Variants in MYOF observed in about 807,000 individuals in gnomAD.
MYOF encodes fer-1-like 3, myoferlin.
MYOF carries 244 observed loss-of-function variants against 284.2 expected under a neutral mutation model. The observed-to-expected ratio is 0.86, with a 90% confidence interval of 0.77 to 0.95. The LOEUF is 0.95. MYOF is among the 40% of genes least tolerant of loss of function. The pLI, the probability that MYOF is intolerant of heterozygous loss-of-function variation, is 0.00. For synonymous variants in MYOF, 904 were observed against 919.7 expected (o/e 0.98, Z 0.31); for missense variants, 2,496 against 2,560.6 (o/e 0.97, Z 0.54).
intron 3 of MYOF, among the ~76,000 whole-genome samples, chr10:93,445,470 C>A (rs58855859): frequency 0.064 from 9,783 of 152,306 alleles, 1,283 homozygotes; most frequent in East Asian, 0.63. Context: ...TCTGACATTT[C>A]CTCTAAAAAA....
chr10:93,396,964 T>C (rs1387471179), intron 15 of MYOF, among the ~76,000 whole-genome samples: 1 of 152,238 alleles, frequency 6.6e-6, no homozygotes, highest in Non-Finnish European at 1.5e-5. Context: ...AAGTCTATTC[T>C]GGACAGCCTA....
chr10:93,342,878 A>C lies in MYOF; in HGVS notation c.4326+978T>G, dbSNP rs190123334. ...ATTAGGGATATTTGGGGTGGTTTAC[A>C]AAGTGATCACAGTAGTTTTGGCCCA... On this transcript the variant is annotated intron_variant, in intron 38 of 53. Coordinates refer to ENST00000359263, the MANE Select transcript of MYOF (RefSeq NM_013451.4). 5.3e-5 allele frequency among the ~76,000 whole-genome samples: 8 copies of C among 152,356 alleles called. No homozygotes were observed. In the East Asian group the frequency reaches 1.5e-3, roughly 29 times the overall value.
At chr10:93,452,558 G>T (rs1394114386) in intron 2 of MYOF, among the ~76,000 whole-genome samples, 3 of 117,976 alleles carry the variant, frequency 2.5e-5, no homozygotes, top group African/African-American at 9.7e-5. Flanking sequence ...CCCGTTGTGG[G>T]GTGGGGGGAG....
intron 1 of MYOF, among the ~76,000 whole-genome samples, chr10:93,469,571 A>G (rs1285041710): frequency 6.6e-6 from 1 of 152,230 alleles, no homozygotes; most frequent in Non-Finnish European, 1.5e-5. Flanking sequence ...GTCCAGCTCA[A>G]AGGCACCAAT....
intron 40 of MYOF, 84 bp from the exon 41 acceptor site, chr10:93,336,130 C>A: frequency 6.7e-7 from 1 of 1,496,422 alleles, no homozygotes; most frequent in Non-Finnish European, 9.0e-7. Context: ...ATCAAGTGGG[C>A]CTGAGGTTGT....
rs548233193 is a variant in MYOF, at chr10:93,374,801, C to T, written c.2263G>A (p.Glu755Lys). Residue 755 changes from glutamate to lysine, a missense_variant, in exon 23 of 54, where the codon GAG (glutamate) becomes AAG (lysine). Glu to Lys is a moderately conservative substitution (Grantham distance 56). Coordinates refer to ENST00000359263, the MANE Select transcript of MYOF (RefSeq NM_013451.4). Reference protein sequence around the residue: ...TDVKSTLAEIEDWLDKLMQLT... With the variant: ...TDVKSTLAEIKDWLDKLMQLT... ...TGCATTAATTTATCAAGCCAGTCCT[C>T]AATTTCTGCCAGTGTGGACTTCACA... 22 of 1,614,134 alleles carry T rather than the reference C, an allele frequency of 1.4e-5. No homozygotes were observed. In the African/African-American group the frequency reaches 2.9e-4, roughly 22 times the overall value.
intron 17 of MYOF, among the ~76,000 whole-genome samples, chr10:93,390,152 T>C (rs575138313): frequency 1.3e-5 from 2 of 152,320 alleles, no homozygotes; most frequent in East Asian, 3.9e-4. Context: ...AACTCTATGC[T>C]TAAAACTAAG....
chr10:93,315,910 C>T, intron 50 of MYOF, among the ~76,000 whole-genome samples: 1 of 150,904 alleles, frequency 6.6e-6, no homozygotes, highest in Non-Finnish European at 1.5e-5. Context: ...TGCTTGAGCT[C>T]AGGGGTTCAA....
At chr10:93,349,721 T>G in intron 36 of MYOF, 87 bp downstream of exon 36, 4 of 1,462,424 alleles carry the variant, frequency 2.7e-6, no homozygotes, top group Non-Finnish European at 3.7e-6. Flanking sequence ...GTTTTGGAAA[T>G]AAACTCTGTG....
intron 19 of MYOF, among the ~76,000 whole-genome samples, chr10:93,387,363 G>T (rs1846430000): frequency 1.3e-5 from 2 of 152,226 alleles, no homozygotes; most frequent in African/African-American, 4.8e-5. Flanking sequence ...GGTTGGGGAA[G>T]TCAACTGGGA....
intron 37 of MYOF, 50 bp downstream of exon 37, chr10:93,347,567 A>AAAAAAGAAG (rs1554842496): frequency 9.9e-7 from 1 of 1,009,920 alleles, no homozygotes; most frequent in Non-Finnish European, 1.3e-6. Context: ...TCAAAAAAAA[A>AAAAAAGAAG]AAAAAAAAAA....
At chr10:93,349,454 A>G (rs764482011) in intron 36 of MYOF, among the ~76,000 whole-genome samples, 2 of 152,156 alleles carry the variant, frequency 1.3e-5, no homozygotes, top group Non-Finnish European at 2.9e-5. Flanking sequence ...TGGTCCATGC[A>G]CAGTTGTAGG....
intron 22 of MYOF, among the ~76,000 whole-genome samples, chr10:93,376,447 A>G (rs1845838246): frequency 6.6e-6 from 1 of 152,134 alleles, no homozygotes; most frequent in South Asian, 2.1e-4. Context: ...TCTCATTTAC[A>G]AGATAAGGAG....
At chr10:93,312,769 T>C (rs116238321) in intron 51 of MYOF, among the ~76,000 whole-genome samples, 2,171 of 152,272 alleles carry the variant, frequency 0.014, 54 homozygotes, top group African/African-American at 0.05. Flanking sequence ...TGAAACCACC[T>C]GGGCTTCTAC....
At chr10:93,336,262 G>A (rs1843602879) in intron 40 of MYOF, among the ~76,000 whole-genome samples, 1 of 152,178 alleles carries the variant, frequency 6.6e-6, no homozygotes, top group Non-Finnish European at 1.5e-5. Context: ...TCTAGAGATT[G>A]CATTCCTAGG....
intron 50 of MYOF, among the ~76,000 whole-genome samples, chr10:93,315,997 T>C (rs1358166942): frequency 6.6e-6 from 1 of 151,278 alleles, no homozygotes; most frequent in Non-Finnish European, 1.5e-5. Flanking sequence ...AGGTTTCGTA[T>C]GCCTGTAGTC....
chr10:93,380,542 G>A (rs914045188), intron 20 of MYOF, among the ~76,000 whole-genome samples: 13 of 152,024 alleles, frequency 8.6e-5, no homozygotes, highest in African/African-American at 3.1e-4. Flanking sequence ...AATACTGTTG[G>A]GAAATTTGAT....
intron 18 of MYOF, among the ~76,000 whole-genome samples, chr10:93,388,790 T>C (rs530603015): frequency 3.3e-5 from 5 of 152,336 alleles, no homozygotes; most frequent in Admixed American, 3.3e-4. Context: ...CAGGGGCTTA[T>C]TAGGAAAGAG....
chr10:93,449,594 A>C (rs377435928), intron 3 of MYOF, among the ~76,000 whole-genome samples: 4 of 152,320 alleles, frequency 2.6e-5, no homozygotes, highest in South Asian at 2.1e-4. Context: ...ACAGAAACTT[A>C]AAAAGCTAGA....
Sources: gnomAD v4.1 joint callset for allele counts (sites outside exome capture counted in the v4.1 genomes callset) on GRCh38, gnomAD v4.1.1 for gene constraint, MANE v1.5 for transcripts, NCBI Gene and HGNC (gene_info 2026-07-23, HGNC 2026-07-21) for gene names.